Variants in KIF6 observed in about 807,000 individuals in gnomAD.
KIF6 encodes kinesin family member 6, also known as kinesin-like protein KIF6.
In KIF6, 106 loss-of-function variants were observed where a neutral mutation model predicts 112.7. The observed-to-expected ratio is 0.94, with a 90% confidence interval of 0.80 to 1.11. The LOEUF (loss-of-function observed/expected upper bound fraction) is 1.11, where lower values mean the gene tolerates loss of function less well. Among genes scored for constraint, KIF6 ranks in the 50% least tolerant of loss-of-function variants. The pLI is 0.00. For missense variants in KIF6, 929 were observed against 964.0 expected (o/e 0.96, Z 0.48); for synonymous variants, 339 against 339.9 (o/e 1.00, Z 0.03).
intron 16 of KIF6, among the ~76,000 whole-genome samples, chr6:39,364,593 A>G (rs1006476973): frequency 6.6e-6 from 1 of 152,178 alleles, no homozygotes; most frequent in Non-Finnish European, 1.5e-5. Flanking sequence ...TTTAAGCTCT[A>G]TATTTTTGTA....
intron 15 of KIF6, among the ~76,000 whole-genome samples, chr6:39,418,883 G>A (rs1045532437): frequency 9.2e-5 from 14 of 152,302 alleles, no homozygotes; most frequent in African/African-American, 3.4e-4. Context: ...TGTAGGCGGA[G>A]AAAAGGGGGT....
At chr6:39,573,500 C>T (rs1780756815) in intron 10 of KIF6, among the ~76,000 whole-genome samples, 1 of 152,226 alleles carries the variant, frequency 6.6e-6, no homozygotes, top group Non-Finnish European at 1.5e-5. Context: ...GAATAATCTG[C>T]ACTGTCAGTT....
At chr6:39,473,871 T>C (rs1268114222) in intron 13 of KIF6, among the ~76,000 whole-genome samples, 1 of 152,186 alleles carries the variant, frequency 6.6e-6, no homozygotes, top group East Asian at 1.9e-4. Flanking sequence ...AACATGAGTA[T>C]GGTAGAAAAC....
intron 2 of KIF6, among the ~76,000 whole-genome samples, chr6:39,717,116 T>A (rs939247045): frequency 6.6e-6 from 1 of 152,186 alleles, no homozygotes; most frequent in Non-Finnish European, 1.5e-5. Context: ...ACAAGAGTGA[T>A]CCTGCTAAAA....
chr6:39,503,514 CA>C (rs200486437), intron 13 of KIF6, among the ~76,000 whole-genome samples: 6 of 149,854 alleles, frequency 4.0e-5, no homozygotes, highest in East Asian at 2.0e-4. Context: ...AAAACCCCTT[CA>C]AAAAAAAATC....
intron 6 of KIF6, among the ~76,000 whole-genome samples, chr6:39,602,717 C>A (rs529364148): frequency 2.6e-5 from 4 of 152,174 alleles, no homozygotes; most frequent in Non-Finnish European, 5.9e-5. Flanking sequence ...TCAAATCTCC[C>A]TATCAGTCTT....
At chr6:39,405,947 T>C (rs1020680105) in intron 15 of KIF6, among the ~76,000 whole-genome samples, 1 of 152,372 alleles carries the variant, frequency 6.6e-6, no homozygotes, top group African/African-American at 2.4e-5. Context: ...TCTACTTTTA[T>C]CTAAATTGTC....
intron 3 of KIF6, among the ~76,000 whole-genome samples, chr6:39,686,816 T>G (rs1299846391): frequency 6.6e-6 from 1 of 152,248 alleles, no homozygotes; most frequent in African/African-American, 2.4e-5. Context: ...TGTTTTTTTC[T>G]TCTTTGAGCT....
chr6:39,386,749 G>A (rs776825165), intron 15 of KIF6, among the ~76,000 whole-genome samples: 18 of 152,066 alleles, frequency 1.2e-4, no homozygotes, highest in Non-Finnish European at 2.4e-4. Flanking sequence ...ATGATTTCGT[G>A]CATGAAGGAG....
intron 10 of KIF6, among the ~76,000 whole-genome samples, chr6:39,547,423 A>T (rs1779123991): frequency 6.6e-6 from 1 of 152,172 alleles, no homozygotes; most frequent in Admixed American, 6.5e-5. Flanking sequence ...ATACAGAGGG[A>T]TTTATTCCTG....
chr6:39,519,072 T>C (rs1208128171), intron 13 of KIF6, among the ~76,000 whole-genome samples: 8 of 152,182 alleles, frequency 5.3e-5, no homozygotes, highest in Non-Finnish European at 2.9e-5. Context: ...TGTGGCTGCA[T>C]TGAGAAGTTC....
intron 4 of KIF6, 36 bp from the exon 5 acceptor site, chr6:39,634,994 A>T (rs368970608): frequency 8.9e-7 from 1 of 1,125,870 alleles, no homozygotes; most frequent in African/African-American, 1.5e-5. Context: ...TTTATCGGTT[A>T]TAACAATGAT....
chr6:39,444,749 C>T (rs1237802068), intron 13 of KIF6, among the ~76,000 whole-genome samples: 5 of 151,594 alleles, frequency 3.3e-5, no homozygotes, highest in African/African-American at 1.2e-4. Context: ...AAGTGAAAGT[C>T]ATTTGTCAAC....
At chr6:39,676,559 T>C (rs895188743) in intron 3 of KIF6, among the ~76,000 whole-genome samples, 1 of 152,048 alleles carries the variant, frequency 6.6e-6, no homozygotes, top group African/African-American at 2.4e-5. Flanking sequence ...ACAGATTTTT[T>C]AAATAAAATA....
At chr6:39,597,421 G>C (rs1782334361) in intron 6 of KIF6, among the ~76,000 whole-genome samples, 1 of 152,190 alleles carries the variant, frequency 6.6e-6, no homozygotes, top group Non-Finnish European at 1.5e-5. Context: ...GTGTGGTGCT[G>C]GTGCTGGTGC....
chr6:39,638,573 A>G (rs1382885183), intron 4 of KIF6, among the ~76,000 whole-genome samples: 1 of 152,130 alleles, frequency 6.6e-6, no homozygotes, highest in East Asian at 1.9e-4. Context: ...GAGAAAGATG[A>G]GCTGAACTAA....
chr6:39,444,123 C>T (rs796322385), intron 13 of KIF6, among the ~76,000 whole-genome samples: 1 of 152,074 alleles, frequency 6.6e-6, no homozygotes, highest in South Asian at 2.1e-4. Context: ...AGTATTGGGC[C>T]TAGTTGGCAA....
intron 14 of KIF6, among the ~76,000 whole-genome samples, chr6:39,428,125 A>G (rs545860339): frequency 6.6e-6 from 1 of 152,322 alleles, no homozygotes; most frequent in African/African-American, 2.4e-5. Context: ...TCAAACCTAC[A>G]TGCTACTGGA....
chr6:39,513,775 T>C (rs973642898), intron 13 of KIF6, among the ~76,000 whole-genome samples: 9 of 152,178 alleles, frequency 5.9e-5, no homozygotes, highest in African/African-American at 2.2e-4. Flanking sequence ...TCTGTTATGA[T>C]ATGAACACAC....
Sources: gnomAD v4.1 joint callset for allele counts (sites outside exome capture counted in the v4.1 genomes callset) on GRCh38, gnomAD v4.1.1 for gene constraint, MANE v1.5 for transcripts, NCBI Gene and HGNC (gene_info 2026-07-23, HGNC 2026-07-21) for gene names.